Variants in AFF4 observed in about 807,000 individuals in gnomAD.
AFF4 encodes the protein ALF transcription elongation factor 4, also known as AF4/FMR2 family member 4.
In AFF4, 13 loss-of-function variants were observed where a neutral mutation model predicts 124.8. The ratio of observed to expected loss-of-function variants is 0.10; its 90% CI spans 0.07 to 0.17. The LOEUF (loss-of-function observed/expected upper bound fraction) is 0.17. Ranked by LOEUF, AFF4 falls within the 10% of genes least tolerant of loss-of-function variation. AFF4 has a pLI of 1.00. For synonymous variants in AFF4, 477 were observed against 496.1 expected (o/e 0.96, Z 0.51); for missense variants, 1,092 against 1,403.8 (o/e 0.78, Z 3.55).
At chr5:132,922,671 T>C (rs533973339) in intron 5 of AFF4, among the ~76,000 whole-genome samples, 28 of 150,026 alleles carry the variant, frequency 1.9e-4, no homozygotes, top group Non-Finnish European at 3.4e-4. Flanking sequence ...TCCCAGCTAC[T>C]TGGGAGGCTG....
chr5:132,944,237 T>G (rs961454866), intron 1 of AFF4, among the ~76,000 whole-genome samples: 1 of 142,086 alleles, frequency 7.0e-6, no homozygotes, highest in African/African-American at 2.5e-5. Flanking sequence ...CTCGGGAGGC[T>G]GAGGCAGGAG....
rs1262534924 is a variant in AFF4, at chr5:132,876,042, G to C, written c.*5017C>G. ...AAAAGGATTTTCAATAAATATATAAGCATTTCCATCCTCCATATACAAAAT... is the reference window on the plus strand; with the variant it reads ...AAAAGGATTTTCAATAAATATATAACCATTTCCATCCTCCATATACAAAAT... On this transcript the variant is annotated 3_prime_UTR_variant, in exon 21 of 21. Transcript: ENST00000265343. 2 of 224,438 alleles carry C rather than the reference G, an allele frequency of 8.9e-6. No individual in the cohort carries two copies. 13.9% of individuals were successfully genotyped at this position (224,438 alleles called of 1,614,324 possible).
chr5:132,956,259 C>T (rs2150113926), intron 1 of AFF4, among the ~76,000 whole-genome samples: 1 of 152,180 alleles, frequency 6.6e-6, no homozygotes, highest in Admixed American at 6.6e-5. Flanking sequence ...GCAAAAGCAG[C>T]CACAGACAAT....
At chr5:132,941,448 C>T (rs1324517041) in intron 1 of AFF4, among the ~76,000 whole-genome samples, 2 of 152,090 alleles carry the variant, frequency 1.3e-5, no homozygotes, top group Non-Finnish European at 2.9e-5. Flanking sequence ...ATTCTCATGC[C>T]TCAGCCTCCC....
chr5:132,949,399 A>G (rs1046530490), intron 1 of AFF4, among the ~76,000 whole-genome samples: 1 of 152,134 alleles, frequency 6.6e-6, no homozygotes, highest in Non-Finnish European at 1.5e-5. Flanking sequence ...ACAATGGGCC[A>G]GGCCCAGTGG....
chr5:132,948,401 T>G (rs1394631301), intron 1 of AFF4: 2 of 152,136 alleles, frequency 1.3e-5, no homozygotes, highest in East Asian at 3.8e-4. Context: ...CAATCCTAAT[T>G]TTCATTCACA....
Position 132,897,064 on chromosome 5 carries a change from T to A in AFF4, c.1566A>T (p.Lys522Asn). Reference protein sequence around the residue: ...GNSYTDTSGPKETSSATPGRD... With the variant: ...GNSYTDTSGPNETSSATPGRD... ...GTCCCGGAGTAGCGGAACTCGTTTCTTTAGGTCCACTTGTATCAGTGTAGC... is the reference window on the plus strand; with the variant it reads ...GTCCCGGAGTAGCGGAACTCGTTTCATTAGGTCCACTTGTATCAGTGTAGC... Residue 522 changes from lysine (K) to asparagine (N), a missense_variant, in exon 11 of 21, where the codon AAA becomes AAT. By Grantham distance (94) the Lys-to-Asn change is moderately conservative (BLOSUM62 0). Transcript: ENST00000265343. 6.2e-7 allele frequency: 1 copy of A among 1,614,218 alleles called. No individual in the cohort carries two copies. Among genetic ancestry groups the A allele is most frequent in the Non-Finnish European group, 8.5e-7 (1 of 1,180,032 alleles).
In AFF4 at chr5:132,898,251, T is replaced by A. The variant is rs1162010211; in HGVS notation, c.1368A>T (p.Pro456=). ...SSSSDSEANE[P]SQSASPEPEP... is the part of the protein sequence containing the mutation. ...TCACCTCGGGAGATGCACTCTGGGA[T>A]GGCTCATTTGCCTCACTGTCACTGG... The change falls in exon 10 of 21, where the codon CCA becomes CCT. Residue 456 remains proline, a synonymous_variant. Coordinates refer to ENST00000265343, the MANE Select transcript of AFF4 (RefSeq NM_014423.4). 4 of 1,614,196 alleles carry A rather than the reference T, an allele frequency of 2.5e-6. No homozygotes were observed. In the Admixed American group the frequency reaches 5.0e-5, roughly 20 times the overall value.
chr5:132,918,710 A>G (rs1233293444), intron 5 of AFF4, among the ~76,000 whole-genome samples: 1 of 152,128 alleles, frequency 6.6e-6, no homozygotes, highest in Non-Finnish European at 1.5e-5. Context: ...GAAAACTACA[A>G]AACAATACTG....
chr5:132,950,290 A>C (rs1019640413), intron 1 of AFF4, among the ~76,000 whole-genome samples: 21 of 152,112 alleles, frequency 1.4e-4, no homozygotes, highest in African/African-American at 5.1e-4. Context: ...AGCCTGACCA[A>C]CATGGAGAAA....
intron 5 of AFF4, among the ~76,000 whole-genome samples, chr5:132,911,427 G>A (rs1760788686): frequency 6.6e-6 from 1 of 151,966 alleles, no homozygotes; most frequent in South Asian, 2.1e-4. Flanking sequence ...TTGATAACAT[G>A]TCTAACATAA....
At chr5:132,949,700 A>ACACGCGCGCG (rs775970739) in intron 1 of AFF4, among the ~76,000 whole-genome samples, 3 of 146,628 alleles carry the variant, frequency 2.0e-5, no homozygotes, top group African/African-American at 7.7e-5. Flanking sequence ...ACACACACAC[A>ACACGCGCGCG]CGCGCGCGCG....
chr5:132,945,223 T>G (rs1409777735), intron 1 of AFF4: 1 of 152,272 alleles, frequency 6.6e-6, no homozygotes, highest in East Asian at 1.9e-4. Flanking sequence ...CCATTTTCAG[T>G]TTTTTTCATG....
intron 5 of AFF4, among the ~76,000 whole-genome samples, chr5:132,909,501 T>C (rs11952262): frequency 0.16 from 23,711 of 152,202 alleles, 2,464 homozygotes; most frequent in East Asian, 0.46. Context: ...AAATACATTA[T>C]GAAAAGATAC....
intron 18 of AFF4, 62 bp downstream of exon 18, chr5:132,886,248 G>C: frequency 1.4e-6 from 2 of 1,422,370 alleles, no homozygotes; most frequent in Non-Finnish European, 2.0e-6. Context: ...GTTCTCAGAT[G>C]GGGATGGGAG....
At chr5:132,924,591 G>A (rs944454135) in intron 5 of AFF4, among the ~76,000 whole-genome samples, 3 of 152,050 alleles carry the variant, frequency 2.0e-5, no homozygotes, top group East Asian at 1.9e-4. Context: ...GGTGGCTCAC[G>A]CCTGTTAATC....
chr5:132,934,666 GCTA>G lies in AFF4; in HGVS notation c.396_398del (p.Ser133del). ...TACTGCTACCTGCGCTGGTCCGCTGGCTACTATGTCCACTCTGTAAGCCTGAGG... is the reference window on the plus strand; with the variant it reads ...TACTGCTACCTGCGCTGGTCCGCTGGCTATGTCCACTCTGTAAGCCTGAGG... On this transcript the variant is annotated inframe_deletion, in exon 3 of 21. Coordinates refer to ENST00000265343, the MANE Select transcript of AFF4 (RefSeq NM_014423.4). 1 of 1,614,100 alleles carries G rather than the reference GCTA, an allele frequency of 6.2e-7. No homozygotes were observed. Among genetic ancestry groups the G allele is most frequent in the African/African-American group, 1.3e-5 (1 of 75,012 alleles).
At position 132,944,524 on chromosome 5, in the gene AFF4, G is replaced by C. The variant is rs576949481; in HGVS notation, c.-4-7331C>G. ...TAGCTGGGTGTGGTGGCATGCGTCT[G>C]TGGTCCCAGCTACTCAGGAAACTGA... On this transcript the variant is annotated intron_variant, in intron 1 of 20. Transcript: ENST00000265343. 2.6e-5 allele frequency among the ~76,000 whole-genome samples: 4 copies of C among 152,278 alleles called. No homozygotes were observed. In the South Asian group the frequency reaches 8.3e-4, roughly 32 times the overall value.
intron 5 of AFF4, among the ~76,000 whole-genome samples, chr5:132,923,329 T>C (rs1335295426): frequency 6.6e-6 from 1 of 150,780 alleles, no homozygotes; most frequent in Non-Finnish European, 1.5e-5. Context: ...GCGGCCTGGA[T>C]GACAAAGTGA....
Sources: gnomAD v4.1 joint callset for allele counts (sites outside exome capture counted in the v4.1 genomes callset) on GRCh38, gnomAD v4.1.1 for gene constraint, MANE v1.5 for transcripts, NCBI Gene and HGNC (gene_info 2026-07-23, HGNC 2026-07-21) for gene names.